Variants in SLC45A4 observed in about 807,000 individuals in gnomAD.
SLC45A4 encodes the protein solute carrier family 45 member 4, also known as polyamine-transporter SLC45A4.
SLC45A4 carries 32 observed loss-of-function variants against 63.7 expected under a neutral mutation model. The ratio of observed to expected loss-of-function variants is 0.50; its 90% CI spans 0.38 to 0.67. SLC45A4 has a LOEUF of 0.67. Ranked by LOEUF, SLC45A4 falls within the 30% of genes least tolerant of loss-of-function variation. The probability of loss-of-function intolerance (pLI) is 0.00; values close to 1 mark genes in which losing one functional copy is unlikely to be tolerated. For missense variants in SLC45A4, 1,027 were observed against 1,157.7 expected, an observed-to-expected ratio of 0.89 and a Z score of 1.64; for synonymous variants, 535 against 510.0, an observed-to-expected ratio of 1.05 and a Z score of -0.66.
chr8:141,299,239 C>T (rs1406465534), intron 1 of SLC45A4, among the ~76,000 whole-genome samples: 1 of 152,236 alleles, frequency 6.6e-6, no homozygotes, highest in Non-Finnish European at 1.5e-5. Flanking sequence ...CCCTGCACCC[C>T]ACCCACAACG....
intron 2 of SLC45A4, among the ~76,000 whole-genome samples, chr8:141,247,939 T>G (rs1410357612): frequency 6.6e-6 from 1 of 152,210 alleles, no homozygotes; most frequent in Non-Finnish European, 1.5e-5. Context: ...CAACTCAATT[T>G]CCACGTGCCA....
At chr8:141,299,712 A>T (rs1322303662) in intron 1 of SLC45A4, among the ~76,000 whole-genome samples, 1 of 152,194 alleles carries the variant, frequency 6.6e-6, no homozygotes, top group Non-Finnish European at 1.5e-5. Flanking sequence ...TTGCATACTG[A>T]AGTAAAGCCT....
intron 1 of SLC45A4, among the ~76,000 whole-genome samples, chr8:141,260,809 G>A (rs578209446): frequency 6.6e-6 from 1 of 152,250 alleles, no homozygotes; most frequent in South Asian, 2.1e-4. Flanking sequence ...AGGAGGAGCT[G>A]GTACCATTCC....
At chr8:141,279,987 G>T (rs867565378) in intron 1 of SLC45A4, among the ~76,000 whole-genome samples, 1 of 152,250 alleles carries the variant, frequency 6.6e-6, no homozygotes, top group Non-Finnish European at 1.5e-5. Flanking sequence ...CAGTTCTAAA[G>T]CAAGAACCAG....
chr8:141,248,112 G>A (rs1281993005), intron 2 of SLC45A4, among the ~76,000 whole-genome samples: 1 of 152,184 alleles, frequency 6.6e-6, no homozygotes, highest in Non-Finnish European at 1.5e-5. Flanking sequence ...CACGATCACA[G>A]TACTACACTC....
At chr8:141,303,304 G>GTTTTTTTTTTTTTT (rs375645569) in intron 1 of SLC45A4, among the ~76,000 whole-genome samples, 1 of 124,688 alleles carries the variant, frequency 8.0e-6, no homozygotes, top group Non-Finnish European at 1.6e-5. Flanking sequence ...GCTAATTTTT[G>GTTTTTTTTTTTTTT]TTTTTTTTTT....
chr8:141,262,265 T>G (rs1335167631), intron 1 of SLC45A4, among the ~76,000 whole-genome samples: 1 of 150,782 alleles, frequency 6.6e-6, no homozygotes, highest in African/African-American at 2.4e-5. Flanking sequence ...ATAAAAACCC[T>G]AGAAGAAAAC....
At chr8:141,289,170 G>A (rs889143898) in intron 1 of SLC45A4, among the ~76,000 whole-genome samples, 1 of 152,220 alleles carries the variant, frequency 6.6e-6, no homozygotes, top group Non-Finnish European at 1.5e-5. Context: ...ACAGAGGCCA[G>A]GGCGAGAGCA....
chr8:141,276,128 C>T (rs1381851585), intron 1 of SLC45A4, among the ~76,000 whole-genome samples: 1 of 152,132 alleles, frequency 6.6e-6, no homozygotes, highest in Non-Finnish European at 1.5e-5. Context: ...TCTTGAACTC[C>T]TGGGCTTAAG....
intron 7 of SLC45A4, 112 bp from the exon 8 acceptor site, chr8:141,212,668 C>G: frequency 7.4e-7 from 1 of 1,348,472 alleles, no homozygotes; most frequent in Non-Finnish European, 9.9e-7. Flanking sequence ...CGTCTTCCAC[C>G]GAGTCTCTTG....
chr8:141,277,265 G>A (rs761975640), intron 1 of SLC45A4, among the ~76,000 whole-genome samples: 10 of 152,228 alleles, frequency 6.6e-5, no homozygotes, highest in Admixed American at 1.3e-4. Context: ...GTCCGGGTCC[G>A]GCGAGGACCG....
At chr8:141,273,419 C>A (rs553326903) in intron 1 of SLC45A4, among the ~76,000 whole-genome samples, 40 of 152,162 alleles carry the variant, frequency 2.6e-4, no homozygotes, top group Non-Finnish European at 5.1e-4. Flanking sequence ...CCAGTATCAA[C>A]CTGAAATGCC....
intron 2 of SLC45A4, among the ~76,000 whole-genome samples, chr8:141,246,423 G>A (rs1828196179): frequency 2.3e-5 from 1 of 43,672 alleles, no homozygotes; most frequent in South Asian, 6.0e-4. Context: ...TGGGGGTGTT[G>A]GCTGAGGCCT....
intron 1 of SLC45A4, among the ~76,000 whole-genome samples, chr8:141,291,214 A>G (rs2154615285): frequency 6.6e-6 from 1 of 152,286 alleles, no homozygotes; most frequent in East Asian, 1.9e-4. Flanking sequence ...ACAAAATTGC[A>G]TCTATTTGCA....
chr8:141,274,344 G>A (rs1829650140), intron 1 of SLC45A4, among the ~76,000 whole-genome samples: 1 of 151,796 alleles, frequency 6.6e-6, no homozygotes, highest in South Asian at 2.1e-4. Context: ...GACCAGCCTG[G>A]CCAACATGGT....
At chr8:141,232,418 C>T (rs1002824662) in intron 2 of SLC45A4, among the ~76,000 whole-genome samples, 2 of 152,250 alleles carry the variant, frequency 1.3e-5, no homozygotes, top group Non-Finnish European at 2.9e-5. Context: ...TTGATTATAA[C>T]AGATGGCCAG....
Position 141,281,269 on chromosome 8 carries a change from G to T in SLC45A4, c.-400-26640C>A, listed in dbSNP as rs187747712. Among the ~76,000 whole-genome samples the T allele has an allele frequency of 6.4e-4, 98 of 152,326 alleles. No individual in the cohort carries two copies. The East Asian group carries it at 0.011, about 17-fold the overall frequency. ...TAGGAGAATCACTTGAACCCGGGAG[G>T]CGGAGGGTGCAGTGAGCTGAGATCA... On this transcript the variant is annotated intron_variant, in intron 1 of 8. Coordinates refer to ENST00000517878, the MANE Select transcript of SLC45A4 (RefSeq NM_001286646.2).
intron 2 of SLC45A4, chr8:141,228,464 G>A: frequency 2.2e-6 from 3 of 1,366,864 alleles, no homozygotes; most frequent in Non-Finnish European, 2.8e-6. Context: ...GGCCGACCCT[G>A]TGTCCAGCTT....
At chr8:141,212,132 C>G in intron 8 of SLC45A4, 65 bp downstream of exon 8, 2 of 1,179,636 alleles carry the variant, frequency 1.7e-6, no homozygotes, top group Non-Finnish European at 2.1e-6. Flanking sequence ...ATGGCCTGGC[C>G]CCGCCGCCCG....
Sources: gnomAD v4.1 joint callset for allele counts (sites outside exome capture counted in the v4.1 genomes callset) on GRCh38, gnomAD v4.1.1 for gene constraint, MANE v1.5 for transcripts, NCBI Gene and HGNC (gene_info 2026-07-23, HGNC 2026-07-21) for gene names.